RAB3C: variants seen among roughly 807,000 people sequenced by gnomAD.
RAB3C encodes ras-related protein Rab-3C.
RAB3C carries 17 observed loss-of-function variants against 26.4 expected under a neutral mutation model. The observed-to-expected ratio is 0.64, with a 90% CI of 0.44 to 0.97. The LOEUF is 0.97. Among genes scored for constraint, RAB3C ranks in the 50% least tolerant of loss-of-function variants. The probability of loss-of-function intolerance (pLI) is 0.00; values close to 1 mark genes in which losing one functional copy is unlikely to be tolerated. For missense variants in RAB3C, 242 were observed against 281.9 expected (o/e 0.86, Z 1.01); for synonymous variants, 91 against 95.9 (o/e 0.95, Z 0.30).
chr5:58,710,876 C>T (rs1424557924), intron 2 of RAB3C, among the ~76,000 whole-genome samples: 1 of 152,066 alleles, frequency 6.6e-6, no homozygotes, highest in Non-Finnish European at 1.5e-5. Flanking sequence ...TTCTTTCTAT[C>T]TATTTTAGGG....
chr5:58,748,291 T>G (rs1028609300), intron 3 of RAB3C, among the ~76,000 whole-genome samples: 1 of 152,178 alleles, frequency 6.6e-6, no homozygotes, highest in Non-Finnish European at 1.5e-5. Flanking sequence ...TTTCTCATTG[T>G]GTTTATCCTT....
At position 58,852,407 on chromosome 5, in the gene RAB3C, C is replaced by T. The variant is rs1368467442; in HGVS notation, c.*1056C>T. ...TCAAACCTCAGCTAAGTTCTTTTAC[C>T]TGTTTAGATGCTATTTAAATCAGAT... On this transcript the variant is annotated 3_prime_UTR_variant, in exon 5 of 5. Coordinates refer to ENST00000282878, the MANE Select transcript of RAB3C (RefSeq NM_138453.4). The T allele has an allele frequency of 6.6e-6, 1 of 152,176 alleles. No individual in the cohort carries two copies. Among genetic ancestry groups the T allele is most frequent in the Admixed American group, 6.5e-5 (1 of 15,270 alleles). 9.4% of individuals were successfully genotyped at this position (152,176 alleles called of 1,614,324 possible).
chr5:58,584,474 T>C (rs1561255671), intron 1 of RAB3C, among the ~76,000 whole-genome samples: 1 of 152,168 alleles, frequency 6.6e-6, no homozygotes, highest in East Asian at 1.9e-4. Context: ...ACTTAGCTTT[T>C]CATTATAGAC....
intron 1 of RAB3C, among the ~76,000 whole-genome samples, chr5:58,583,904 A>G (rs1217885375): frequency 6.6e-6 from 1 of 152,130 alleles, no homozygotes; most frequent in East Asian, 1.9e-4. Flanking sequence ...TCACATTCTT[A>G]GGTTTGTTTC....
At chr5:58,750,549 CATTAGA>C (rs1741500484) in intron 3 of RAB3C, among the ~76,000 whole-genome samples, 1 of 152,120 alleles carries the variant, frequency 6.6e-6, no homozygotes, top group Non-Finnish European at 1.5e-5. Flanking sequence ...AAGAAATAGT[CATTAGA>C]AAACATTGAA....
chr5:58,682,746 G>T (rs921392797), intron 2 of RAB3C, among the ~76,000 whole-genome samples: 2 of 151,674 alleles, frequency 1.3e-5, no homozygotes, highest in African/African-American at 4.8e-5. Context: ...AATACTGTAT[G>T]GTATATAACT....
At chr5:58,820,109 AT>A (rs1287677428) in intron 3 of RAB3C, among the ~76,000 whole-genome samples, 1 of 151,942 alleles carries the variant, frequency 6.6e-6, no homozygotes, top group Non-Finnish European at 1.5e-5. Flanking sequence ...ATCATTTTAC[AT>A]TTTCTTGCAA....
chr5:58,629,027 GAAAAAAAAAA>G (rs70973148), intron 2 of RAB3C, among the ~76,000 whole-genome samples: 11 of 56,056 alleles, frequency 2.0e-4, no homozygotes, highest in South Asian at 8.9e-4. Context: ...CTCACTTCTG[GAAAAAAAAAA>G]AAAAAAAAAA....
rs1275748062 is a variant in RAB3C at position 58,752,409 on chromosome 5, AG to A, written c.371+26291del. Among the ~76,000 whole-genome samples, 4 of 152,176 alleles carry A rather than the reference AG, an allele frequency of 2.6e-5. No homozygotes were observed. The East Asian group carries it at 7.7e-4, about 29-fold the overall frequency. The stretch of plus-strand genomic sequence containing the variant: ...AGGAACATCCTTGAAAACAAATTCT[AG>A]GATTGCTTTGGGCAGAATAGATTAA... On this transcript the variant is annotated intron_variant, in intron 3 of 4. Transcript: ENST00000282878.
chr5:58,797,396 T>TATATATAC (rs1561133620), intron 3 of RAB3C, among the ~76,000 whole-genome samples: 78 of 116,794 alleles, frequency 6.7e-4, no homozygotes, highest in African/African-American at 2.7e-3. Context: ...TATATATATA[T>TATATATAC]ACACAGAGAG....
chr5:58,640,320 A>C (rs16888343), intron 2 of RAB3C, among the ~76,000 whole-genome samples: 11,250 of 152,256 alleles, frequency 0.074, 1,065 homozygotes, highest in African/African-American at 0.22. Context: ...AATGTCAGGA[A>C]TGTACATCAG....
intron 4 of RAB3C, among the ~76,000 whole-genome samples, chr5:58,846,067 A>T (rs1743992351): frequency 6.6e-6 from 1 of 152,158 alleles, no homozygotes; most frequent in Non-Finnish European, 1.5e-5. Context: ...AGCTTATTAC[A>T]CTTAGCATAA....
rs3835173 is a variant in RAB3C, at chr5:58,854,036, AACAC to A, written c.*2720_*2723del. 563 of 142,602 alleles carry A rather than the reference AACAC, an allele frequency of 3.9e-3. 3 individuals are homozygous for A. Among genetic ancestry groups the A allele is most frequent in the African/African-American group, 7.4e-3 (282 of 37,860 alleles). The allele number at this position is 142,602 out of a possible 1,614,324, so 8.8% of individuals were successfully genotyped here. The stretch of plus-strand genomic sequence containing the variant: ...TCCAAGGTTTTTCAGCCTTTTGGCC[AACAC>A]ACACACACACACACACACACACACA... On this transcript the variant is annotated 3_prime_UTR_variant, in exon 5 of 5. Coordinates refer to ENST00000282878, the MANE Select transcript of RAB3C (RefSeq NM_138453.4).
At chr5:58,748,155 G>A (rs1351755928) in intron 3 of RAB3C, among the ~76,000 whole-genome samples, 2 of 151,216 alleles carry the variant, frequency 1.3e-5, no homozygotes, top group African/African-American at 4.9e-5. Context: ...AGGCACATAA[G>A]CCATTCCACA....
At chr5:58,724,877 C>A (rs1029975734) in intron 2 of RAB3C, among the ~76,000 whole-genome samples, 4 of 151,512 alleles carry the variant, frequency 2.6e-5, no homozygotes, top group Non-Finnish European at 5.9e-5. Context: ...TTACAATTTA[C>A]ATATATTTAT....
At chr5:58,744,766 G>A (rs1396594320) in intron 3 of RAB3C, among the ~76,000 whole-genome samples, 6 of 151,932 alleles carry the variant, frequency 3.9e-5, no homozygotes, top group Non-Finnish European at 7.4e-5. Context: ...TGTTTCTCTG[G>A]AGAACAACAA....
chr5:58,836,478 C>T (rs920100071), intron 4 of RAB3C, among the ~76,000 whole-genome samples: 1 of 152,162 alleles, frequency 6.6e-6, no homozygotes, highest in Non-Finnish European at 1.5e-5. Flanking sequence ...CTAGAACTTA[C>T]ATCCCTTATC....
At chr5:58,584,523 G>A (rs955821936) in intron 1 of RAB3C, among the ~76,000 whole-genome samples, 1 of 152,242 alleles carries the variant, frequency 6.6e-6, no homozygotes, top group Non-Finnish European at 1.5e-5. Context: ...TAAAGGTACA[G>A]GCTGTTGCAA....
At chr5:58,664,227 C>T (rs990012007) in intron 2 of RAB3C, among the ~76,000 whole-genome samples, 1 of 152,148 alleles carries the variant, frequency 6.6e-6, no homozygotes, top group Non-Finnish European at 1.5e-5. Flanking sequence ...ACCTAGATTT[C>T]CTTCAATAGA....
Sources: allele counts gnomAD v4.1 joint callset (sites outside exome capture counted in the v4.1 genomes callset), GRCh38; gene constraint gnomAD v4.1.1; transcripts MANE v1.5; gene names NCBI Gene and HGNC (gene_info 2026-07-23, HGNC 2026-07-21).